Variants in SEZ6L observed in about 807,000 individuals in gnomAD.
The protein encoded by SEZ6L is seizure related 6 homolog like.
A neutral mutation model predicts 106.2 loss-of-function variants in SEZ6L; 37 were observed. The observed-to-expected ratio is 0.35, with a 90% CI of 0.27 to 0.46. SEZ6L has a LOEUF of 0.46. SEZ6L is among the 20% of genes least tolerant of loss of function. The pLI, the probability that SEZ6L is intolerant of heterozygous loss-of-function variation, is 1.00. For synonymous variants in SEZ6L, 541 were observed against 570.4 expected (o/e 0.95, Z 0.73); for missense variants, 1,172 against 1,332.8 (o/e 0.88, Z 1.88).
intron 1 of SEZ6L, among the ~76,000 whole-genome samples, chr22:26,227,256 C>A (rs752169049): frequency 6.6e-6 from 1 of 152,030 alleles, no homozygotes; most frequent in Non-Finnish European, 1.5e-5. Flanking sequence ...CGCTTAATTT[C>A]TCTGAGCCCC....
intron 9 of SEZ6L, among the ~76,000 whole-genome samples, chr22:26,332,155 T>G (rs1266141580): frequency 6.8e-6 from 1 of 146,908 alleles, no homozygotes; most frequent in African/African-American, 2.5e-5. Context: ...ATGTTTTTTT[T>G]TTTTTTTTTT....
intron 9 of SEZ6L, among the ~76,000 whole-genome samples, chr22:26,314,802 A>AC (rs967178649): frequency 5.3e-5 from 8 of 151,764 alleles, no homozygotes; most frequent in East Asian, 3.9e-4. Flanking sequence ...CTCACAGAGA[A>AC]CCCCCCCTGG....
chr22:26,376,235 C>G (rs1202764310), intron 15 of SEZ6L, among the ~76,000 whole-genome samples: 1 of 151,980 alleles, frequency 6.6e-6, no homozygotes, highest in Non-Finnish European at 1.5e-5. Context: ...AAATATTTGC[C>G]CTCCTGGGGT....
At position 26,292,625 on chromosome 22, in the gene SEZ6L, A is replaced by G. The variant is rs1427036564; in HGVS notation, c.314A>G (p.Glu105Gly). ...DIPALSPLLP[E>G]EARPKHALPP... ...CCAGCCCTGTCACCGCTGCTTCCAG[A>G]GGAGGCCCGCCCCAAGCACGCCTTG... The change falls in exon 2 of 17, where the codon GAG becomes GGG. Residue 105 changes from glutamate to glycine, a missense_variant. This residue lies in a region of SEZ6L where 494 missense variants were observed against 445.8 expected (regional missense o/e 1.11). Transcript: ENST00000248933. 1 of 1,613,214 alleles carries G rather than the reference A, an allele frequency of 6.2e-7. No individual in the cohort carries two copies. Among genetic ancestry groups the G allele is most frequent in the African/African-American group, 1.3e-5 (1 of 75,012 alleles).
At chr22:26,234,184 G>C (rs1023457383) in intron 1 of SEZ6L, among the ~76,000 whole-genome samples, 6 of 152,170 alleles carry the variant, frequency 3.9e-5, no homozygotes, top group Admixed American at 1.3e-4. Flanking sequence ...AGGGGGCAGG[G>C]GAGTCATTCT....
intron 9 of SEZ6L, among the ~76,000 whole-genome samples, chr22:26,319,198 C>A (rs558499476): frequency 1.3e-5 from 2 of 152,278 alleles, no homozygotes; most frequent in Admixed American, 1.3e-4. Flanking sequence ...AAGTCAAAGT[C>A]TTCCCAGAGT....
At chr22:26,363,314 T>A (rs1350337567) in intron 12 of SEZ6L, among the ~76,000 whole-genome samples, 3 of 152,248 alleles carry the variant, frequency 2.0e-5, no homozygotes, top group Non-Finnish European at 4.4e-5. Context: ...CTGGGACCTA[T>A]ACTGTACTGT....
intron 1 of SEZ6L, among the ~76,000 whole-genome samples, chr22:26,249,273 G>A (rs28405997): frequency 0.023 from 3,478 of 152,096 alleles, 134 homozygotes; most frequent in African/African-American, 0.08. Context: ...TTATTCCTCC[G>A]ATCTAGCTGT....
At chr22:26,345,754 A>G (rs1358758571) in intron 10 of SEZ6L, among the ~76,000 whole-genome samples, 1 of 152,232 alleles carries the variant, frequency 6.6e-6, no homozygotes, top group Non-Finnish European at 1.5e-5. Flanking sequence ...CCAGAAGCAC[A>G]TAAGAACTGC....
At chr22:26,366,421 CA>C (rs2083815131) in intron 13 of SEZ6L, among the ~76,000 whole-genome samples, 2 of 152,060 alleles carry the variant, frequency 1.3e-5, no homozygotes, top group African/African-American at 4.8e-5. Flanking sequence ...AGCCCAGGTG[CA>C]GTGGCTCACA....
At chr22:26,238,419 A>G (rs1398459894) in intron 1 of SEZ6L, among the ~76,000 whole-genome samples, 3 of 152,220 alleles carry the variant, frequency 2.0e-5, no homozygotes, top group Admixed American at 6.5e-5. Context: ...TCATGACAAG[A>G]TGGCATTCAT....
intron 1 of SEZ6L, among the ~76,000 whole-genome samples, chr22:26,283,477 T>C (rs1296121556): frequency 6.6e-6 from 1 of 152,202 alleles, no homozygotes; most frequent in Admixed American, 6.5e-5. Flanking sequence ...ACTAATGTAA[T>C]GGAATACTAT....
intron 1 of SEZ6L, among the ~76,000 whole-genome samples, chr22:26,226,877 C>A (rs985883002): frequency 2.0e-5 from 3 of 152,168 alleles, no homozygotes; most frequent in African/African-American, 7.2e-5. Flanking sequence ...AATAGAGAGA[C>A]AAAGACCCCT....
At chr22:26,172,409 C>T (rs1938685059) in intron 1 of SEZ6L, among the ~76,000 whole-genome samples, 1 of 152,208 alleles carries the variant, frequency 6.6e-6, no homozygotes, top group Non-Finnish European at 1.5e-5. Context: ...TGTTACATTC[C>T]TTTCCTTCCC....
chr22:26,248,444 T>C (rs2145788272), intron 1 of SEZ6L, among the ~76,000 whole-genome samples: 1 of 152,302 alleles, frequency 6.6e-6, no homozygotes, highest in African/African-American at 2.4e-5. Flanking sequence ...AACCTCGAAC[T>C]CCTGCGCTCA....
Position 26,380,934 on chromosome 22 carries a change from G to C in SEZ6L, c.*639G>C, listed in dbSNP as rs1331320828. On this transcript the variant is annotated 3_prime_UTR_variant, in exon 17 of 17. Transcript: ENST00000248933. ...GCCTCGCTGGACAGTGACAAAACAA[G>C]AAAACGTTTTCTTTCTAGAAAGGTG... The C allele has an allele frequency of 1.3e-5, 2 of 152,124 alleles. No individual in the cohort carries two copies. The highest frequency in any genetic ancestry group is 4.8e-5 in the African/African-American group (2 of 41,426). 9.4% of individuals were successfully genotyped at this position (152,124 alleles called of 1,614,324 possible).
chr22:26,207,329 A>G (rs1231389072), intron 1 of SEZ6L, among the ~76,000 whole-genome samples: 1 of 152,188 alleles, frequency 6.6e-6, no homozygotes, highest in Non-Finnish European at 1.5e-5. Flanking sequence ...GACCTCATAT[A>G]TTGGCTTTAT....
chr22:26,375,754 G>C, intron 15 of SEZ6L, 65 bp downstream of exon 15: 1 of 1,251,754 alleles, frequency 8.0e-7, no homozygotes, highest in Non-Finnish European at 1.1e-6. Flanking sequence ...GGGACTGGGC[G>C]GTTCACCTCT....
chr22:26,229,342 C>T (rs934245794), intron 1 of SEZ6L, among the ~76,000 whole-genome samples: 1 of 152,144 alleles, frequency 6.6e-6, no homozygotes, highest in African/African-American at 2.4e-5. Flanking sequence ...TTGAGTGTCT[C>T]CTATATGTCA....
Sources: allele counts gnomAD v4.1 joint callset (sites outside exome capture counted in the v4.1 genomes callset), GRCh38; gene constraint gnomAD v4.1.1; regional missense constraint gnomAD v4.1.1; transcripts MANE v1.5; gene names NCBI Gene and HGNC (gene_info 2026-07-23, HGNC 2026-07-21).